FRMPD1: variants seen among roughly 807,000 people sequenced by gnomAD.
The protein encoded by FRMPD1 is FERM and PDZ domain containing 1.
A neutral mutation model predicts 117.8 loss-of-function variants in FRMPD1; 76 were observed. The observed-to-expected ratio is 0.65, with a 90% CI of 0.54 to 0.78. The LOEUF is 0.78. Among genes scored for constraint, FRMPD1 ranks in the 30% least tolerant of loss-of-function variants. The pLI is 0.00. For missense variants in FRMPD1, 1,786 were observed against 1,964.5 expected, an observed-to-expected ratio of 0.91 and a Z score of 1.72; for synonymous variants, 783 against 770.4, an observed-to-expected ratio of 1.02 and a Z score of -0.27.
Position 37,721,019 on chromosome 9 carries a change from C to G in FRMPD1, c.516+1843C>G, listed in dbSNP as rs556407916. On this transcript the variant is annotated intron_variant, in intron 6 of 15. Coordinates refer to ENST00000377765, the MANE Select transcript of FRMPD1 (RefSeq NM_014907.3). ...GGCACGACAGGTGTGGACAGGGTCA[C>G]CTGGTTGATTTGTAAAAATGGCCAT... is the stretch of plus-strand genomic sequence containing the variant. Among the ~76,000 whole-genome samples, 51 of 152,326 alleles carry G rather than the reference C, an allele frequency of 3.3e-4. 2 individuals carry two copies. Among genetic ancestry groups the G allele is most frequent in the Admixed American group, 3.1e-3 (47 of 15,304 alleles).
At chr9:37,722,406 GTTGT>G (rs1004346276) in intron 6 of FRMPD1, among the ~76,000 whole-genome samples, 15 of 152,198 alleles carry the variant, frequency 9.9e-5, no homozygotes, top group Admixed American at 7.2e-4. Flanking sequence ...AAAACTGGAA[GTTGT>G]TTGTTTGTTT....
chr9:37,720,017 G>C (rs1233075788), intron 6 of FRMPD1, among the ~76,000 whole-genome samples: 1 of 152,090 alleles, frequency 6.6e-6, no homozygotes, highest in African/African-American at 2.4e-5. Context: ...TCACCATAGA[G>C]ACCAGCAAAG....
chr9:37,665,736 G>A (rs980807299), intron 1 of FRMPD1, among the ~76,000 whole-genome samples: 1 of 152,076 alleles, frequency 6.6e-6, no homozygotes, highest in Non-Finnish European at 1.5e-5. Context: ...GTGGGGTCCC[G>A]CAGAAGATCA....
At chr9:37,631,502 T>A in the FRMPD1 span, among the ~76,000 whole-genome samples, 1 of 152,250 alleles carries the variant, frequency 6.6e-6, no homozygotes, top group Non-Finnish European at 1.5e-5. Context: ...ACAAATAATT[T>A]TCTTAGCAGT....
At chr9:37,640,376 C>T in the FRMPD1 span, among the ~76,000 whole-genome samples, 1 of 152,184 alleles carries the variant, frequency 6.6e-6, no homozygotes, top group Non-Finnish European at 1.5e-5. Context: ...TATTTCTGTT[C>T]CCCAAGTGAC....
At chr9:37,643,104 C>T in the FRMPD1 span, among the ~76,000 whole-genome samples, 1 of 152,146 alleles carries the variant, frequency 6.6e-6, no homozygotes, top group Non-Finnish European at 1.5e-5. Context: ...CAGTGAAATG[C>T]CCAGGACTGG....
Position 37,746,175 on chromosome 9 carries a change from G to A in FRMPD1, c.4143G>A (p.Arg1381=). 1 of 1,613,460 alleles carries A rather than the reference G, an allele frequency of 6.2e-7. No individual in the cohort carries two copies. The highest frequency in any genetic ancestry group is 8.5e-7 in the Non-Finnish European group (1 of 1,179,916). The part of the protein sequence containing the change: ...SAGSPVVLPW[R]PARAHSCTTA... ...GAAGCCCGGTGGTTCTGCCCTGGAG[G>A]CCTGCCCGAGCCCACAGCTGCACCA... Residue 1381 remains arginine, a synonymous_variant, in exon 16 of 16, where the codon AGG becomes AGA. Coordinates refer to ENST00000377765, the MANE Select transcript of FRMPD1 (RefSeq NM_014907.3).
chr9:37,712,652 G>A lies in FRMPD1; in HGVS notation c.408+1257G>A, dbSNP rs12553729. On this transcript the variant is annotated intron_variant, in intron 5 of 15. Coordinates refer to ENST00000377765, the MANE Select transcript of FRMPD1 (RefSeq NM_014907.3). The stretch of plus-strand genomic sequence containing the variant: ...ATTACAGGCGTCATCCACCATGCCA[G>A]GCCAGAACTGTACTTCTTAAAAGTA... Among the ~76,000 whole-genome samples, 1,454 of 152,296 alleles carry A rather than the reference G, an allele frequency of 9.5e-3. 8 individuals are homozygous for A. The highest frequency in any genetic ancestry group is 0.044 in the Middle Eastern group (13 of 294).
At chr9:37,737,488 G>T (rs1284735370) in intron 14 of FRMPD1, among the ~76,000 whole-genome samples, 1 of 152,170 alleles carries the variant, frequency 6.6e-6, no homozygotes, top group Non-Finnish European at 1.5e-5. Context: ...CTAGTTCCCT[G>T]CTGTATTTCC....
the FRMPD1 span, among the ~76,000 whole-genome samples, chr9:37,626,622 G>GGAAAAA: frequency 2.1e-5 from 1 of 48,650 alleles, no homozygotes; most frequent in African/African-American, 9.3e-5. Flanking sequence ...CCTGGTATCT[G>GGAAAAA]AAAAAAAAAA....
At chr9:37,633,531 A>G in the FRMPD1 span, among the ~76,000 whole-genome samples, 1 of 152,202 alleles carries the variant, frequency 6.6e-6, no homozygotes, top group African/African-American at 2.4e-5. Context: ...AACCAGTGAG[A>G]ACCAGTGGTG....
chr9:37,629,143 G>A, the FRMPD1 span, among the ~76,000 whole-genome samples: 2 of 152,200 alleles, frequency 1.3e-5, no homozygotes, highest in African/African-American at 4.8e-5. Flanking sequence ...AGGTTGCAGT[G>A]AGCCGAGGTT....
chr9:37,658,703 T>C (rs545060934), intron 1 of FRMPD1, among the ~76,000 whole-genome samples: 18 of 152,274 alleles, frequency 1.2e-4, no homozygotes, highest in African/African-American at 4.3e-4. Flanking sequence ...CAAATCTTTG[T>C]TTCACTCTTA....
chr9:37,740,221 A>G lies in FRMPD1; in HGVS notation c.1693A>G (p.Thr565Ala). ...GGAGCAGCCTCCTGGGAACAGCCCC[A>G]CACCTGAGGTGGCTAGGAGGGGCCC... ...KEEQPPGNSPTPEVARRGPST... is the reference protein window; with the variant it reads ...KEEQPPGNSPAPEVARRGPST... The change falls in exon 15 of 16, where the codon ACA becomes GCA. Residue 565 changes from threonine to alanine, a missense_variant. Coordinates refer to ENST00000377765, the MANE Select transcript of FRMPD1 (RefSeq NM_014907.3). The surrounding 1 kb of genome is among the most constrained non-coding windows in gnomAD (Gnocchi z 4.2). 2 of 1,613,938 alleles carry G rather than the reference A, an allele frequency of 1.2e-6. No individual in the cohort carries two copies. Among genetic ancestry groups the G allele is most frequent in the Non-Finnish European group, 1.7e-6 (2 of 1,179,970 alleles).
At chr9:37,689,577 C>T (rs983152128) in intron 1 of FRMPD1, among the ~76,000 whole-genome samples, 1 of 152,110 alleles carries the variant, frequency 6.6e-6, no homozygotes, top group Non-Finnish European at 1.5e-5. Flanking sequence ...TTAATGCATG[C>T]CTTCACAGTC....
intron 1 of FRMPD1, among the ~76,000 whole-genome samples, chr9:37,664,141 G>C (rs1373574117): frequency 6.6e-6 from 1 of 152,100 alleles, no homozygotes; most frequent in African/African-American, 2.4e-5. Context: ...TGCTGGAACT[G>C]TGAAATGTTT....
At chr9:37,719,381 A>C (rs531213965) in intron 6 of FRMPD1, among the ~76,000 whole-genome samples, 1 of 152,272 alleles carries the variant, frequency 6.6e-6, no homozygotes, top group Admixed American at 6.5e-5. Flanking sequence ...ATGGGTGGGG[A>C]CTGGGAAGAA....
intron 1 of FRMPD1, among the ~76,000 whole-genome samples, chr9:37,685,716 C>G (rs1043963104): frequency 6.6e-6 from 1 of 151,776 alleles, no homozygotes; most frequent in Non-Finnish European, 1.5e-5. Context: ...TTTCCATTTT[C>G]TCCGCTAGCC....
intron 2 of FRMPD1, among the ~76,000 whole-genome samples, chr9:37,701,049 C>A (rs1187896058): frequency 2.0e-5 from 3 of 152,220 alleles, no homozygotes; most frequent in Non-Finnish European, 4.4e-5. Flanking sequence ...AAAGCTAGAA[C>A]ATGGCCTTTG....
Sources: gnomAD v4.1 joint callset for allele counts (sites outside exome capture counted in the v4.1 genomes callset) on GRCh38, gnomAD v4.1.1 for gene constraint, Gnocchi (gnomAD v3.1) non-coding constraint, MANE v1.5 for transcripts, NCBI Gene and HGNC (gene_info 2026-07-23, HGNC 2026-07-21) for gene names.